DYSF: variants seen among roughly 807,000 people sequenced by gnomAD.
DYSF encodes dysferlin, also known as dystrophy-associated fer-1-like 1.
In DYSF, 212 loss-of-function variants were observed where a neutral mutation model predicts 274.9. That is an observed-to-expected ratio of 0.77 (90% confidence interval 0.69 to 0.86). The LOEUF is 0.86. DYSF is among the 40% of genes least tolerant of loss of function. The pLI, the probability that DYSF is intolerant of heterozygous loss-of-function variation, is 0.00. For missense variants in DYSF, 2,666 were observed against 2,783.2 expected, an observed-to-expected ratio of 0.96 and a Z score of 0.95; for synonymous variants, 1,091 against 1,078.7, an observed-to-expected ratio of 1.01 and a Z score of -0.22.
chr2:71,569,150 A>G (rs1489753946), intron 26 of DYSF, among the ~76,000 whole-genome samples: 1 of 152,202 alleles, frequency 6.6e-6, no homozygotes, highest in Non-Finnish European at 1.5e-5. Flanking sequence ...CTGGGATTAC[A>G]GGCTTGAGCC....
rs746315830 is a variant in DYSF, at chr2:71,503,308, C to A, written c.334C>A (p.Gln112Lys). The A allele has an allele frequency of 6.2e-7, 1 of 1,614,158 alleles. No homozygotes were observed. Among genetic ancestry groups the A allele is most frequent in the Admixed American group, 1.7e-5 (1 of 60,030 alleles). Reference protein sequence around the residue: ...FNAPLLDTKKQPTGASLVLQV... With the variant: ...FNAPLLDTKKKPTGASLVLQV... ...TGCCCCCCTGCTGGACACCAAGAAG[C>A]AGCCCACAGGGGTAAGTGCCCATCA... The change falls in exon 4 of 56, where the codon CAG becomes AAG. Residue 112 changes from glutamine (Q) to lysine (K), a missense_variant. This residue lies in a region of DYSF where 794 missense variants were observed against 777.1 expected (regional missense o/e 1.02). Transcript: ENST00000410020.
At chr2:71,469,466 T>C (rs1488555976) in intron 1 of DYSF, among the ~76,000 whole-genome samples, 1 of 152,216 alleles carries the variant, frequency 6.6e-6, no homozygotes, top group Non-Finnish European at 1.5e-5. Flanking sequence ...TGAGAACCAC[T>C]GAGCCCAGCT....
chr2:71,589,720 A>T (rs199676065), intron 31 of DYSF, 34 bp downstream of exon 31: 3 of 1,570,164 alleles, frequency 1.9e-6, no homozygotes, highest in Non-Finnish European at 2.6e-6. Flanking sequence ...ATGGGGTGAT[A>T]AGGGTGTGTC....
Position 71,659,011 on chromosome 2 carries a change from A to G in DYSF, c.4889A>G (p.Gln1630Arg), listed in dbSNP as rs754829594. 3 of 1,614,210 alleles carry G rather than the reference A, an allele frequency of 1.9e-6. No individual in the cohort carries two copies. Among genetic ancestry groups the G allele is most frequent in the Admixed American group, 1.7e-5 (1 of 60,030 alleles). Reference sequence around the variant, plus strand: ...TACATTGTCCGAGCATTTGGCCTGCAGCCCAAGGACCCCAATGGAAAGGTA... The same window carrying G: ...TACATTGTCCGAGCATTTGGCCTGCGGCCCAAGGACCCCAATGGAAAGGTA... The part of the protein sequence containing the change: ...RIYIVRAFGL[Q>R]PKDPNGKCDP... The change falls in exon 44 of 56, where the codon CAG becomes CGG. Residue 1630 changes from glutamine to arginine, a missense_variant. This residue lies in a region of DYSF where 1,460 missense variants were observed against 1,502.1 expected (regional missense o/e 0.97). Coordinates refer to ENST00000410020, the MANE Select transcript of DYSF (RefSeq NM_001130987.2).
At chr2:71,512,882 G>T (rs2086242887) in intron 5 of DYSF, among the ~76,000 whole-genome samples, 1 of 152,200 alleles carries the variant, frequency 6.6e-6, no homozygotes, top group South Asian at 2.1e-4. Flanking sequence ...TGGGAGATCA[G>T]TCTGGACTGG....
intron 12 of DYSF, among the ~76,000 whole-genome samples, chr2:71,525,028 C>A (rs1275686378): frequency 6.6e-6 from 1 of 152,220 alleles, no homozygotes; most frequent in Non-Finnish European, 1.5e-5. Context: ...ACCTGCTGAA[C>A]TAGAACCTGC....
chr2:71,483,698 A>G (rs762222346), intron 3 of DYSF, among the ~76,000 whole-genome samples: 21 of 152,180 alleles, frequency 1.4e-4, no homozygotes, highest in Admixed American at 3.3e-4. Context: ...CCCATCAGTT[A>G]GGCACGACTA....
At chr2:71,558,870 C>T (rs2152799942) in intron 22 of DYSF, among the ~76,000 whole-genome samples, 1 of 152,274 alleles carries the variant, frequency 6.6e-6, no homozygotes, top group Admixed American at 6.5e-5. Flanking sequence ...CACCTGAGGC[C>T]ACTGAGTGGC....
rs756968117 is a variant in DYSF, at chr2:71,686,509, T to C, written c.*17T>C. On this transcript the variant is annotated 3_prime_UTR_variant, in exon 56 of 56. Coordinates refer to ENST00000410020, the MANE Select transcript of DYSF (RefSeq NM_001130987.2). ...TTCAGCTGAGGACTCTCCTGCCCTGTAGAAGGGGCCGTGGGGTCCCCTCCA... is the reference window on the plus strand; with the variant it reads ...TTCAGCTGAGGACTCTCCTGCCCTGCAGAAGGGGCCGTGGGGTCCCCTCCA... 1 of 1,613,968 alleles carries C rather than the reference T, an allele frequency of 6.2e-7. No individual in the cohort carries two copies. Among genetic ancestry groups the C allele is most frequent in the Non-Finnish European group, 8.5e-7 (1 of 1,179,956 alleles).
rs2090866713 is a variant in DYSF at position 71,550,558 on chromosome 2, G to C, written c.1577-483G>C. The stretch of plus-strand genomic sequence containing the variant: ...TGGTTTCTCTGGTTACCGGGCTCTG[G>C]GACCTCTTAGCCCCTCCCCATTGGC... On this transcript the variant is annotated intron_variant, in intron 17 of 55. Coordinates refer to ENST00000410020, the MANE Select transcript of DYSF (RefSeq NM_001130987.2). Among the ~76,000 whole-genome samples the C allele has an allele frequency of 2.0e-5, 3 of 151,656 alleles. No individual in the cohort carries two copies. In the South Asian group the frequency reaches 6.2e-4, roughly 31 times the overall value.
chr2:71,568,149 C>T (rs1354131987), intron 25 of DYSF, 23 bp from the exon 26 acceptor site: 2 of 1,614,244 alleles, frequency 1.2e-6, no homozygotes, highest in East Asian at 2.2e-5. Flanking sequence ...CCTGCTCACG[C>T]CTCATTCTTC....
Position 71,583,637 on chromosome 2 carries a change from G to A in DYSF, c.3403-5956G>A, listed in dbSNP as rs1574158847. On this transcript the variant is annotated intron_variant, in intron 30 of 55. Coordinates refer to ENST00000410020, the MANE Select transcript of DYSF (RefSeq NM_001130987.2). ...ATCCTGAGCCAGAACTCTAGGCCCT[G>A]TTTAGACCAAGGCACCATTGCAAAC... 2.0e-5 allele frequency among the ~76,000 whole-genome samples: 3 copies of A among 152,196 alleles called. No individual in the cohort carries two copies. In the East Asian group the frequency reaches 5.8e-4, roughly 29 times the overall value.
rs867445870 is a variant in DYSF, at chr2:71,622,617, A to T, written c.4527+2008A>T. On this transcript the variant is annotated intron_variant, in intron 41 of 55. Transcript: ENST00000410020. The stretch of plus-strand genomic sequence containing the variant: ...TGTGTCCTTTATTGTTTGTTTGTTT[A>T]TTTTTTTATTGTTTTTGAGATGGAG... 1.3e-4 allele frequency among the ~76,000 whole-genome samples: 20 copies of T among 151,882 alleles called. No homozygotes were observed. In the South Asian group the frequency reaches 1.7e-3, roughly 13 times the overall value.
At chr2:71,608,080 A>G (rs930455429) in intron 36 of DYSF, among the ~76,000 whole-genome samples, 1 of 151,902 alleles carries the variant, frequency 6.6e-6, no homozygotes, top group African/African-American at 2.4e-5. Context: ...TGAGGGGGTG[A>G]GAGAGAGAAG....
intron 23 of DYSF, 49 bp from the exon 24 acceptor site, chr2:71,564,009 T>C (rs1181293917): frequency 5.0e-6 from 8 of 1,612,038 alleles, no homozygotes; most frequent in Admixed American, 3.3e-5. Context: ...CTGTGGGGCG[T>C]GGGCCTGGTG....
At chr2:71,660,009 G>A (rs771603775) in intron 44 of DYSF, among the ~76,000 whole-genome samples, 7 of 152,202 alleles carry the variant, frequency 4.6e-5, no homozygotes, top group Non-Finnish European at 8.8e-5. Context: ...CACCACTGAC[G>A]GCCTCCAAGG....
chr2:71,618,227 G>A (rs1384822598), intron 40 of DYSF, among the ~76,000 whole-genome samples: 1 of 128,316 alleles, frequency 7.8e-6, no homozygotes, highest in Non-Finnish European at 1.6e-5. Flanking sequence ...TGTGGTAGAG[G>A]TGGGGTGTGT....
intron 40 of DYSF, among the ~76,000 whole-genome samples, chr2:71,618,151 GGTGTGT>G (rs796163016): frequency 3.2e-3 from 78 of 24,418 alleles, no homozygotes; most frequent in African/African-American, 0.012. Context: ...TGGTAGAGGT[GGTGTGT>G]GTGTGTGTGT....
In DYSF at chr2:71,667,367, CT is replaced by C. The variant is rs2152953900; in HGVS notation, c.5318-8del. 3 of 1,614,092 alleles carry C rather than the reference CT, an allele frequency of 1.9e-6. No individual in the cohort carries two copies. Among genetic ancestry groups the C allele is most frequent in the Non-Finnish European group, 2.5e-6 (3 of 1,180,032 alleles). ...CTCCTGCAACTTTTTTGTCTTCTCT[CT>C]GGGGCAGAGGCTGGCAGGATCCCAA... is the stretch of plus-strand genomic sequence containing the variant. On this transcript the variant is annotated splice_region_variant and splice_polypyrimidine_tract_variant and intron_variant, in intron 47 of 55. Transcript: ENST00000410020.
Sources: gnomAD v4.1 joint callset for allele counts (sites outside exome capture counted in the v4.1 genomes callset) on GRCh38, gnomAD v4.1.1 for gene constraint, gnomAD v4.1.1 regional missense constraint, MANE v1.5 for transcripts, NCBI Gene and HGNC (gene_info 2026-07-23, HGNC 2026-07-21) for gene names.